The following REL variants were observed in gnomAD, a reference collection of about 807,000 sequenced individuals.
REL encodes the protein proto-oncogene c-Rel.
In REL, 15 loss-of-function variants were observed where a neutral mutation model predicts 45.9. That is an observed-to-expected ratio of 0.33 (90% CI 0.22 to 0.50). REL has a LOEUF of 0.50. REL is among the 20% of genes least tolerant of loss of function. The pLI is 0.98. For synonymous variants in REL, 239 were observed against 242.1 expected (o/e 0.99, Z 0.12); for missense variants, 601 against 715.2 (o/e 0.84, Z 1.82).
Position 60,931,042 on chromosome 2 carries a change from C to T in REL, c.*8507C>T, listed in dbSNP as rs928014150. ...TCTTAAACTTTATTATCTAATCAAA[C>T]ATAGTTTTCCATAAGATGTAATAAA... On this transcript the variant is annotated 3_prime_UTR_variant, in exon 10 of 10. Coordinates refer to ENST00000394479, the MANE Select transcript of REL (RefSeq NM_001291746.2). 1.3e-5 allele frequency: 2 copies of T among 152,326 alleles called. No homozygotes were observed. Among genetic ancestry groups the T allele is most frequent in the African/African-American group, 4.8e-5 (2 of 41,446 alleles). 9.4% of individuals were successfully genotyped at this position (152,326 alleles called of 1,614,324 possible). A position where few individuals can be genotyped will look rare whatever the true frequency, so the allele number is the denominator to read the frequency against.
intron 4 of REL, 65 bp downstream of exon 4, chr2:60,901,148 C>CCCTTTTTTTTTTT (rs755936187): frequency 2.4e-6 from 2 of 832,872 alleles, no homozygotes; most frequent in Non-Finnish European, 1.5e-6. Context: ...TTTTTTCTTT[C>CCCTTTTTTTTTTT]TCTTTTTTTT....
At chr2:60,898,821 A>G (rs975409724) in intron 3 of REL, 1 of 152,228 alleles carries the variant, frequency 6.6e-6, no homozygotes, top group Non-Finnish European at 1.5e-5. Flanking sequence ...TCTTTCCACT[A>G]GACTGTAAGC....
chr2:60,920,144 G>T, intron 8 of REL, 35 bp downstream of exon 8: 1 of 1,406,870 alleles, frequency 7.1e-7, no homozygotes, highest in East Asian at 2.3e-5. Context: ...TATTTAAATA[G>T]GTTTTGTTTT....
chr2:60,922,564 T>C lies in REL; in HGVS notation c.*29T>C. The C allele has an allele frequency of 1.9e-6, 3 of 1,554,902 alleles. No homozygotes were observed. Among genetic ancestry groups the C allele is most frequent in the Non-Finnish European group, 2.6e-6 (3 of 1,152,116 alleles). ...GCAAGATTTAAATCCTTTTAAATCT[T>C]GATACCACCTATATAGATGCAGCAT... is the stretch of plus-strand genomic sequence containing the variant. On this transcript the variant is annotated 3_prime_UTR_variant, in exon 10 of 10. Coordinates refer to ENST00000394479, the MANE Select transcript of REL (RefSeq NM_001291746.2).
chr2:60,900,917 A>G, intron 3 of REL, 75 bp from the exon 4 acceptor site: 1 of 1,227,002 alleles, frequency 8.1e-7, no homozygotes, highest in Non-Finnish European at 1.2e-6. Flanking sequence ...TAACTTCAGT[A>G]TTGCTATATG....
Position 60,922,468 on chromosome 2 carries a change from C to G in REL, c.1697C>G (p.Ser566Ter). 6.2e-7 allele frequency: 1 copy of G among 1,613,230 alleles called. No individual in the cohort carries two copies. The highest frequency in any genetic ancestry group is 8.5e-7 in the Non-Finnish European group (1 of 1,179,826). Residue 566 changes from serine to a stop codon, truncating the protein, a stop_gained, in exon 10 of 10, where the codon TCA (serine) becomes TGA (stop). Transcript: ENST00000394479. LOFTEE classifies it high-confidence loss of function. ...GGTTTTGTTCAAGATAGTCAGTATT[C>G]AGGTATTGGCAGTATGCAAAATGAG... ...SHGFVQDSQY[S>*]GIGSMQNEQL...
intron 4 of REL, 108 bp downstream of exon 4, chr2:60,901,191 T>C: frequency 1.9e-5 from 25 of 1,318,904 alleles, no homozygotes; most frequent in Non-Finnish European, 2.3e-5. Context: ...AGTTTTGCTC[T>C]TGTCGCCAGG....
chr2:60,903,560 G>A (rs2103951673), intron 4 of REL, among the ~76,000 whole-genome samples: 1 of 151,372 alleles, frequency 6.6e-6, no homozygotes, highest in Non-Finnish European at 1.5e-5. Flanking sequence ...TTGAGACAGA[G>A]TCTCACTCTG....
chr2:60,891,959 TA>T, intron 2 of REL, 134 bp downstream of exon 2: 1 of 794,910 alleles, frequency 1.3e-6, no homozygotes, highest in Non-Finnish European at 1.9e-6. Flanking sequence ...TTTTTTTTTT[TA>T]AACGGATCTG....
In REL at chr2:60,926,261, C is replaced by T. The variant is rs1674265506; in HGVS notation, c.*3726C>T. On this transcript the variant is annotated 3_prime_UTR_variant, in exon 10 of 10. Transcript: ENST00000394479. ...AAAGGAAAGACCAAATAAAACCTTT[C>T]CTACCACTTGGATGCATTTGCATCC... 2 of 231,344 alleles carry T rather than the reference C, an allele frequency of 8.6e-6. No homozygotes were observed. Among genetic ancestry groups the T allele is most frequent in the African/African-American group, 4.4e-5 (2 of 45,224 alleles). 14.3% of individuals were successfully genotyped at this position (231,344 alleles called of 1,614,324 possible).
intron 4 of REL, among the ~76,000 whole-genome samples, chr2:60,908,057 T>C (rs541514438): frequency 6.6e-6 from 1 of 152,276 alleles, no homozygotes; most frequent in South Asian, 2.1e-4. Flanking sequence ...CTGAAAGCCT[T>C]CTCAGTTCTC....
At position 60,928,022 on chromosome 2, in the gene REL, A is replaced by G. The variant is rs1674306584; in HGVS notation, c.*5487A>G. The G allele has an allele frequency of 4.9e-6, 1 of 204,242 alleles. No homozygotes were observed. The highest frequency in any genetic ancestry group is 2.3e-5 in the African/African-American group (1 of 43,786). 12.7% of individuals were successfully genotyped at this position (204,242 alleles called of 1,614,324 possible). ...TGATGGTTTCCATGTTAAGAGAGACATGGAGCAGGGCACTGGCATGGTGGA... is the reference window on the plus strand; with the variant it reads ...TGATGGTTTCCATGTTAAGAGAGACGTGGAGCAGGGCACTGGCATGGTGGA... On this transcript the variant is annotated 3_prime_UTR_variant, in exon 10 of 10. Transcript: ENST00000394479.
chr2:60,904,357 G>T (rs1436823568), intron 4 of REL, among the ~76,000 whole-genome samples: 1 of 149,420 alleles, frequency 6.7e-6, no homozygotes, highest in East Asian at 2.0e-4. Context: ...AGCCAAGATT[G>T]CTCCACTGCA....
chr2:60,914,779 C>T (rs1673915017), intron 4 of REL, among the ~76,000 whole-genome samples: 1 of 150,952 alleles, frequency 6.6e-6, no homozygotes, highest in Non-Finnish European at 1.5e-5. Context: ...TTCTTTTGCT[C>T]AACATGGTTT....
intron 4 of REL, among the ~76,000 whole-genome samples, chr2:60,913,422 G>A (rs1238118760): frequency 1.3e-5 from 2 of 152,100 alleles, no homozygotes; most frequent in Non-Finnish European, 1.5e-5. Context: ...GGGTACACTA[G>A]CAATCCCAGG....
In REL at chr2:60,923,501, A is replaced by T. The variant is rs1481469809; in HGVS notation, c.*966A>T. 4.3e-6 allele frequency: 1 copy of T among 232,498 alleles called. No individual in the cohort carries two copies. Among genetic ancestry groups the T allele is most frequent in the Non-Finnish European group, 8.5e-6 (1 of 117,642 alleles). 14.4% of individuals were successfully genotyped at this position (232,498 alleles called of 1,614,324 possible). On this transcript the variant is annotated 3_prime_UTR_variant, in exon 10 of 10. Coordinates refer to ENST00000394479, the MANE Select transcript of REL (RefSeq NM_001291746.2). The stretch of plus-strand genomic sequence containing the variant: ...ATCTAGAAATCTAATTAAAGCTCAC[A>T]CTCAGCATATCCAAAACTGAATTCT...
chr2:60,908,855 T>G (rs903256950), intron 4 of REL, among the ~76,000 whole-genome samples: 1 of 152,240 alleles, frequency 6.6e-6, no homozygotes, highest in Admixed American at 6.5e-5. Flanking sequence ...TTGGGAAAAC[T>G]ACATTACTTA....
intron 3 of REL, chr2:60,900,552 T>C (rs1673465490): frequency 6.3e-6 from 1 of 158,900 alleles, no homozygotes; most frequent in African/African-American, 2.4e-5. Context: ...AGGCAGAGTT[T>C]TGCTTTTGTT....
In REL at chr2:60,928,154, C is replaced by CAAA. The variant is rs549824510; in HGVS notation, c.*5634_*5636dup. 15 of 83,210 alleles carry CAAA rather than the reference C, an allele frequency of 1.8e-4. No individual in the cohort carries two copies. Among genetic ancestry groups the CAAA allele is most frequent in the East Asian group, 1.0e-3 (5 of 4,846 alleles). 5.2% of individuals were successfully genotyped at this position (83,210 alleles called of 1,614,324 possible). A position where few individuals can be genotyped will look rare whatever the true frequency, so the allele number is the denominator to read the frequency against. ...GTAATATAAGGAAAACCTGTCTCTG[C>CAAA]AAAAAAAAAAAAAAAAAGAGGATAC... On this transcript the variant is annotated 3_prime_UTR_variant, in exon 10 of 10. Coordinates refer to ENST00000394479, the MANE Select transcript of REL (RefSeq NM_001291746.2).
Sources: gnomAD v4.1 joint callset for allele counts (sites outside exome capture counted in the v4.1 genomes callset) on GRCh38, gnomAD v4.1.1 for gene constraint, MANE v1.5 for transcripts, NCBI Gene and HGNC (gene_info 2026-07-23, HGNC 2026-07-21) for gene names.